The following GRID2 variants were observed in gnomAD, a reference collection of about 807,000 sequenced individuals.
GRID2 encodes glutamate ionotropic receptor delta type subunit 2, also known as glutamate receptor ionotropic, delta-2.
In GRID2, 33 loss-of-function variants were observed where a neutral mutation model predicts 114.8. The ratio of observed to expected loss-of-function variants is 0.29; its 90% CI spans 0.22 to 0.38. The LOEUF (loss-of-function observed/expected upper bound fraction) is 0.38, where lower values mean the gene tolerates loss of function less well. Ranked by LOEUF, GRID2 falls within the 10% of genes least tolerant of loss-of-function variation. The pLI is 1.00. For missense variants in GRID2, 1,184 were observed against 1,257.7 expected (o/e 0.94, Z 0.89); for synonymous variants, 505 against 449.9 (o/e 1.12, Z -1.55).
At chr4:93,109,744 T>G (rs956795700) in intron 3 of GRID2, among the ~76,000 whole-genome samples, 3 of 152,178 alleles carry the variant, frequency 2.0e-5, no homozygotes, top group African/African-American at 7.2e-5. Context: ...AAAGAAAATC[T>G]ACTATATTAA....
intron 2 of GRID2, among the ~76,000 whole-genome samples, chr4:92,654,717 T>C (rs1169202320): frequency 1.3e-5 from 2 of 152,048 alleles, no homozygotes; most frequent in Middle Eastern, 3.4e-3. Flanking sequence ...CTTCTATTGC[T>C]ATTTGTGTCT....
intron 2 of GRID2, among the ~76,000 whole-genome samples, chr4:92,867,592 T>G (rs1203367720): frequency 6.6e-6 from 1 of 152,128 alleles, no homozygotes; most frequent in Non-Finnish European, 1.5e-5. Context: ...ATTTTTTTTT[T>G]TTTTTGCATG....
At chr4:92,609,349 A>G (rs985539043) in intron 2 of GRID2, among the ~76,000 whole-genome samples, 1 of 151,638 alleles carries the variant, frequency 6.6e-6, no homozygotes, top group Admixed American at 6.6e-5. Flanking sequence ...TACCAGTGTA[A>G]AACACAATAT....
intron 2 of GRID2, among the ~76,000 whole-genome samples, chr4:92,767,040 T>A (rs1738301082): frequency 6.6e-6 from 1 of 152,196 alleles, no homozygotes; most frequent in South Asian, 2.1e-4. Context: ...TGCAAAGTCA[T>A]ATGACTAAAT....
At chr4:93,316,360 GAA>G (rs745416665) in intron 8 of GRID2, among the ~76,000 whole-genome samples, 2 of 131,050 alleles carry the variant, frequency 1.5e-5, no homozygotes, top group African/African-American at 5.9e-5. Flanking sequence ...AGGAAGGAAG[GAA>G]AAGAAAAAGA....
intron 10 of GRID2, among the ~76,000 whole-genome samples, chr4:93,429,943 T>G (rs1769243372): frequency 6.6e-6 from 1 of 152,164 alleles, no homozygotes; most frequent in South Asian, 2.1e-4. Flanking sequence ...TACTATTTAG[T>G]AATTATAATG....
intron 2 of GRID2, among the ~76,000 whole-genome samples, chr4:93,009,189 A>G (rs1721862030): frequency 1.3e-5 from 2 of 152,132 alleles, no homozygotes; most frequent in South Asian, 4.1e-4. Context: ...TAACTGCATG[A>G]TCCTCTCTAT....
intron 8 of GRID2, among the ~76,000 whole-genome samples, chr4:93,242,737 A>C (rs757379104): frequency 6.6e-6 from 1 of 151,890 alleles, no homozygotes; most frequent in Non-Finnish European, 1.5e-5. Context: ...TCATTATCCT[A>C]AGGCTGGGTA....
rs544470136 is a variant in GRID2 at position 93,516,962 on chromosome 4, T to G, written c.2193+1551T>G. Among the ~76,000 whole-genome samples the G allele has an allele frequency of 2.0e-3, 310 of 152,226 alleles. 1 individual carries two copies. The highest frequency in any genetic ancestry group is 7.3e-3 in the African/African-American group (304 of 41,560). On this transcript the variant is annotated intron_variant, in intron 13 of 15. Coordinates refer to ENST00000282020, the MANE Select transcript of GRID2 (RefSeq NM_001510.4). The stretch of plus-strand genomic sequence containing the variant: ...CAGTATTATTGCAGAGAAATTTCAT[T>G]TTATTTTCTCCCACCAGCCTGGTGT...
chr4:93,265,148 T>C (rs1307355065), intron 8 of GRID2, among the ~76,000 whole-genome samples: 2 of 152,146 alleles, frequency 1.3e-5, no homozygotes, highest in African/African-American at 4.8e-5. Flanking sequence ...GGATTCTATT[T>C]TGGTTTTTTT....
At chr4:93,016,552 T>A (rs957919634) in intron 2 of GRID2, among the ~76,000 whole-genome samples, 4 of 152,100 alleles carry the variant, frequency 2.6e-5, no homozygotes, top group Non-Finnish European at 4.4e-5. Flanking sequence ...GCCCATCCCC[T>A]CTCTGGGCAG....
intron 10 of GRID2, among the ~76,000 whole-genome samples, chr4:93,430,002 A>C (rs1486985121): frequency 6.6e-6 from 1 of 152,172 alleles, no homozygotes; most frequent in Non-Finnish European, 1.5e-5. Context: ...GACTAAACAG[A>C]GTAAATCAGC....
intron 2 of GRID2, among the ~76,000 whole-genome samples, chr4:92,922,214 G>A (rs544170668): frequency 7.2e-5 from 11 of 152,250 alleles, no homozygotes; most frequent in South Asian, 2.1e-4. Flanking sequence ...TATTACGATG[G>A]GAGTGACCCA....
intron 2 of GRID2, among the ~76,000 whole-genome samples, chr4:92,712,674 A>T (rs967147592): frequency 6.6e-5 from 10 of 152,168 alleles, no homozygotes; most frequent in Middle Eastern, 3.2e-3. Flanking sequence ...ATATTGCTAT[A>T]GTTTGCAGGA....
At chr4:93,622,469 AC>A (rs1742299091) in intron 13 of GRID2, among the ~76,000 whole-genome samples, 2 of 152,196 alleles carry the variant, frequency 1.3e-5, no homozygotes, top group Non-Finnish European at 2.9e-5. Context: ...TCATGCAGTA[AC>A]TTTGGGATTA....
chr4:93,473,850 T>C (rs1339968298), intron 11 of GRID2, among the ~76,000 whole-genome samples: 1 of 152,106 alleles, frequency 6.6e-6, no homozygotes, highest in Non-Finnish European at 1.5e-5. Flanking sequence ...CATATGTGCA[T>C]AAAAAATTTC....
intron 4 of GRID2, among the ~76,000 whole-genome samples, chr4:93,176,913 G>C (rs914528601): frequency 4.6e-5 from 7 of 152,112 alleles, no homozygotes; most frequent in African/African-American, 1.7e-4. Flanking sequence ...AAATCCATGT[G>C]TATTTCCGGA....
chr4:93,023,213 C>G (rs943163263), intron 2 of GRID2, among the ~76,000 whole-genome samples: 1 of 150,568 alleles, frequency 6.6e-6, no homozygotes, highest in Admixed American at 6.6e-5. Context: ...GCTGATTTTA[C>G]CATTTTTAAT....
At chr4:93,119,835 C>A (rs769275849) in intron 4 of GRID2, among the ~76,000 whole-genome samples, 8 of 152,184 alleles carry the variant, frequency 5.3e-5, no homozygotes, top group Admixed American at 4.6e-4. Flanking sequence ...ATGACTCCCA[C>A]TCATCAAAAG....
Sources: allele counts gnomAD v4.1 joint callset (sites outside exome capture counted in the v4.1 genomes callset), GRCh38; gene constraint gnomAD v4.1.1; transcripts MANE v1.5; gene names NCBI Gene and HGNC (gene_info 2026-07-23, HGNC 2026-07-21).